Variants in PIEZO2 observed in about 807,000 individuals in gnomAD.
The protein encoded by PIEZO2 is piezo-type mechanosensitive ion channel component 2.
PIEZO2 carries 172 observed loss-of-function variants against 337.3 expected under a neutral mutation model. That is an observed-to-expected ratio of 0.51 (90% CI 0.45 to 0.58). PIEZO2 has a LOEUF of 0.58. Ranked by LOEUF, PIEZO2 falls within the 20% of genes least tolerant of loss-of-function variation. PIEZO2 has a pLI of 0.00. For synonymous variants in PIEZO2, 1,251 were observed against 1,228.5 expected (o/e 1.02, Z -0.38); for missense variants, 3,028 against 3,391.3 (o/e 0.89, Z 2.66).
chr18:10,727,252 G>T lies in PIEZO2; in HGVS notation c.5029+4155C>A. 4.5e-6 allele frequency: 1 copy of T among 220,082 alleles called. No homozygotes were observed. The highest frequency in any genetic ancestry group is 5.8e-5 in the Admixed American group (1 of 17,100). 13.6% of individuals were successfully genotyped at this position (220,082 alleles called of 1,614,324 possible). A position where few individuals can be genotyped will look rare whatever the true frequency, so the allele number is the denominator to read the frequency against. On this transcript the variant is annotated intron_variant, in intron 36 of 55. Transcript: ENST00000674853. The surrounding 1 kb of genome is among the most constrained non-coding windows in gnomAD (Gnocchi z 6.3). The stretch of plus-strand genomic sequence containing the variant: ...GCATTGATGGGGATGAGGGTGGTTT[G>T]GGAATAGAAACTTGTTCTTGCATAA...
intron 1 of PIEZO2, among the ~76,000 whole-genome samples, chr18:11,117,232 T>C (rs1435538397): frequency 6.6e-6 from 1 of 152,232 alleles, no homozygotes; most frequent in South Asian, 2.1e-4. Context: ...CATTACACAT[T>C]ATTTGCCTGC....
In PIEZO2 at chr18:11,139,635, A is replaced by G. The variant is rs114928152; in HGVS notation, c.64+8890T>C. ...TATATGGGTAATAAATAGCCATTTT[A>G]TCTTTCCACAGATATTTACACTTCA... On this transcript the variant is annotated intron_variant, in intron 1 of 55. Coordinates refer to ENST00000674853, the MANE Select transcript of PIEZO2 (RefSeq NM_001378183.1). Among the ~76,000 whole-genome samples, 626 of 152,352 alleles carry G rather than the reference A, an allele frequency of 4.1e-3. 4 individuals are homozygous for G. Among genetic ancestry groups the G allele is most frequent in the African/African-American group, 0.014 (582 of 41,594 alleles).
chr18:10,933,321 AT>A (rs1415741509), intron 3 of PIEZO2, among the ~76,000 whole-genome samples: 1 of 151,820 alleles, frequency 6.6e-6, no homozygotes. Flanking sequence ...TTAATTTCCT[AT>A]TTTTGTCTTT....
chr18:10,932,158 T>C (rs2032128534), intron 3 of PIEZO2, among the ~76,000 whole-genome samples: 1 of 152,226 alleles, frequency 6.6e-6, no homozygotes, highest in Non-Finnish European at 1.5e-5. Flanking sequence ...ACATACTATA[T>C]AAGCACAACA....
rs1413997778 is a variant in PIEZO2, at chr18:10,942,105, C to T, written c.287-30877G>A. On this transcript the variant is annotated intron_variant, in intron 3 of 55. Transcript: ENST00000674853. The surrounding 1 kb of genome is among the most constrained non-coding windows in gnomAD (Gnocchi z 4.4). ...TCTCCAGCCATGTGGAACTGTAAGT[C>T]CAATAAACCTCTTTCTTTTGTAAAA... 1.3e-5 allele frequency among the ~76,000 whole-genome samples: 2 copies of T among 152,186 alleles called. No individual in the cohort carries two copies. Among genetic ancestry groups the T allele is most frequent in the African/African-American group, 4.8e-5 (2 of 41,446 alleles).
At position 10,953,964 on chromosome 18, in the gene PIEZO2, G is replaced by C. The variant is rs2033413706; in HGVS notation, c.286+25571C>G. 6.6e-6 allele frequency among the ~76,000 whole-genome samples: 1 copy of C among 152,192 alleles called. No homozygotes were observed. The highest frequency in any genetic ancestry group is 2.4e-5 in the African/African-American group (1 of 41,446). On this transcript the variant is annotated intron_variant, in intron 3 of 55. Transcript: ENST00000674853. This position sits in a 1 kb window ranked among gnomAD's most constrained non-coding sequence, Gnocchi z 5.2. ...AGTCTGTCAGATTGAGGACCAGGTG[G>C]TGTGCAGCTGGTTCAGCACAGGGTC...
intron 2 of PIEZO2, among the ~76,000 whole-genome samples, chr18:10,989,011 A>G (rs189047194): frequency 1.3e-5 from 2 of 152,294 alleles, no homozygotes; most frequent in Non-Finnish European, 2.9e-5. Context: ...AAGATCTACT[A>G]TACAGCATAG....
intron 4 of PIEZO2, among the ~76,000 whole-genome samples, chr18:10,875,483 G>C (rs374777511): frequency 6.6e-6 from 1 of 152,264 alleles, no homozygotes; most frequent in South Asian, 2.1e-4. Flanking sequence ...GGCCAGGCTT[G>C]GGTGGCTGTT....
At chr18:11,044,061 C>T (rs1290765023) in intron 2 of PIEZO2, among the ~76,000 whole-genome samples, 2 of 151,780 alleles carry the variant, frequency 1.3e-5, no homozygotes, top group Non-Finnish European at 2.9e-5. Flanking sequence ...GCTATTATTC[C>T]TTTCATGCAT....
chr18:11,078,062 ACACAC>A lies in PIEZO2; in HGVS notation c.65-11845_65-11841del, dbSNP rs1309393212. ...CACACACACCCACACACACACACACACACACCACACACACAAAAACAAACATACAC... is the reference window on the plus strand; with the variant it reads ...CACACACACCCACACACACACACACACACACACACAAAAACAAACATACAC... On this transcript the variant is annotated intron_variant, in intron 1 of 55. Coordinates refer to ENST00000674853, the MANE Select transcript of PIEZO2 (RefSeq NM_001378183.1). The surrounding 1 kb of genome is among the most constrained non-coding windows in gnomAD (Gnocchi z 5.3). Among the ~76,000 whole-genome samples the A allele has an allele frequency of 6.7e-6, 1 of 150,174 alleles. No homozygotes were observed. Among genetic ancestry groups the A allele is most frequent in the Admixed American group, 6.6e-5 (1 of 15,058 alleles).
At chr18:10,866,684 C>G (rs191462582) in intron 5 of PIEZO2, among the ~76,000 whole-genome samples, 1 of 152,278 alleles carries the variant, frequency 6.6e-6, no homozygotes, top group East Asian at 1.9e-4. Flanking sequence ...CATCCATGCT[C>G]TCACCTGGTG....
At position 11,101,874 on chromosome 18, in the gene PIEZO2, T is replaced by A. The variant is rs571971489; in HGVS notation, c.65-35652A>T. Among the ~76,000 whole-genome samples the A allele has an allele frequency of 4.6e-5, 7 of 152,342 alleles. No individual in the cohort carries two copies. In the South Asian group the frequency reaches 1.4e-3, roughly 32 times the overall value. Reference sequence around the variant, plus strand: ...TTGTACTCTTGTACTATACTACTTATAAGCTATCAAATTTGAAACCACACA... The same window carrying A: ...TTGTACTCTTGTACTATACTACTTAAAAGCTATCAAATTTGAAACCACACA... On this transcript the variant is annotated intron_variant, in intron 1 of 55. Coordinates refer to ENST00000674853, the MANE Select transcript of PIEZO2 (RefSeq NM_001378183.1). The surrounding 1 kb of genome is among the most constrained non-coding windows in gnomAD (Gnocchi z 4.4).
Position 11,143,195 on chromosome 18 carries a change from A to G in PIEZO2, c.64+5330T>C, listed in dbSNP as rs1028997238. 3.3e-5 allele frequency among the ~76,000 whole-genome samples: 5 copies of G among 152,216 alleles called. No individual in the cohort carries two copies. Reference sequence around the variant, plus strand: ...CTCAAGACAACGGTTTAAATCAAAAATCTTATAAGCTGTAATGTTGTAGAT... The same window carrying G: ...CTCAAGACAACGGTTTAAATCAAAAGTCTTATAAGCTGTAATGTTGTAGAT... On this transcript the variant is annotated intron_variant, in intron 1 of 55. Transcript: ENST00000674853. The surrounding 1 kb of genome is among the most constrained non-coding windows in gnomAD (Gnocchi z 4.9).
rs1473089389 is a variant in PIEZO2, at chr18:10,773,500, G to C, written c.2697C>G (p.Ala899=). ...TGTCTTTCCCAAGATCACCCTTCTG[G>C]GCTTTTTCAGAGTAGCCCTCAAGCT... ...EEKLEGYSEK[A]QKGDLGKDSE... The change falls in exon 20 of 56, where the codon GCC becomes GCG. Residue 899 remains alanine, a synonymous_variant. Transcript: ENST00000674853. This position sits in a 1 kb window ranked among gnomAD's most constrained non-coding sequence, Gnocchi z 5.3. 2.6e-6 allele frequency: 4 copies of C among 1,537,354 alleles called. No homozygotes were observed. Among genetic ancestry groups the C allele is most frequent in the Non-Finnish European group, 3.5e-6 (4 of 1,146,948 alleles).
At chr18:11,054,056 T>C (rs115116455) in intron 2 of PIEZO2, among the ~76,000 whole-genome samples, 5,255 of 152,030 alleles carry the variant, frequency 0.035, 298 homozygotes, top group African/African-American at 0.12. Flanking sequence ...CCGTAATACC[T>C]CATTAGTTTG....
chr18:10,776,004 A>G (rs2038772502), intron 18 of PIEZO2, among the ~76,000 whole-genome samples: 1 of 152,242 alleles, frequency 6.6e-6, no homozygotes, highest in African/African-American at 2.4e-5. Context: ...AGAGAATTGT[A>G]CCTTGTATTG....
intron 4 of PIEZO2, among the ~76,000 whole-genome samples, chr18:10,897,594 G>A (rs2042936461): frequency 6.6e-6 from 1 of 152,134 alleles, no homozygotes; most frequent in Admixed American, 6.5e-5. Flanking sequence ...TGAGTGTGGG[G>A]CCTCCTCAGC....
At chr18:10,693,782 T>C (rs2034966357) in intron 47 of PIEZO2, among the ~76,000 whole-genome samples, 1 of 152,070 alleles carries the variant, frequency 6.6e-6, no homozygotes. Context: ...GTTGTATCTA[T>C]CTTAATCTGC....
At chr18:10,689,998 T>C (rs2034733282) in intron 48 of PIEZO2, among the ~76,000 whole-genome samples, 196 bp from the exon 49 acceptor site, 1 of 152,250 alleles carries the variant, frequency 6.6e-6, no homozygotes, top group Non-Finnish European at 1.5e-5. Context: ...ATTTGTATTT[T>C]TTCATTCTTT....
Sources: gnomAD v4.1 joint callset for allele counts (sites outside exome capture counted in the v4.1 genomes callset) on GRCh38, gnomAD v4.1.1 for gene constraint, Gnocchi (gnomAD v3.1) non-coding constraint, MANE v1.5 for transcripts, NCBI Gene and HGNC (gene_info 2026-07-23, HGNC 2026-07-21) for gene names.